PIWIL2: variants seen among roughly 807,000 people sequenced by gnomAD.
PIWIL2 encodes the protein piwi like RNA-mediated gene silencing 2, also known as piwi-like protein 2.
Under a neutral mutation model 116.5 loss-of-function variants are expected in PIWIL2, and 81 were observed. The ratio of observed to expected loss-of-function variants is 0.70; its 90% CI spans 0.58 to 0.84. The LOEUF is 0.84. Ranked by LOEUF, PIWIL2 falls within the 40% of genes least tolerant of loss-of-function variation. The pLI is 0.00. For missense variants in PIWIL2, 1,272 were observed against 1,212.3 expected (o/e 1.05, Z -0.73); for synonymous variants, 489 against 429.5 (o/e 1.14, Z -1.71).
chr8:22,342,263 A>C (rs565742015), intron 20 of PIWIL2, among the ~76,000 whole-genome samples: 1 of 152,234 alleles, frequency 6.6e-6, no homozygotes, highest in Non-Finnish European at 1.5e-5. Flanking sequence ...ATTCAATGCA[A>C]TCTTACTCAA....
chr8:22,346,274 G>T (rs560551200), intron 20 of PIWIL2, among the ~76,000 whole-genome samples: 2 of 152,058 alleles, frequency 1.3e-5, no homozygotes, highest in Admixed American at 6.5e-5. Context: ...ATGGTATTTC[G>T]AACTATATTT....
intron 15 of PIWIL2, 76 bp downstream of exon 15, chr8:22,310,150 A>G (rs1831293169): frequency 1.3e-6 from 1 of 774,116 alleles, no homozygotes; most frequent in South Asian, 1.7e-5. Context: ...GGAATGATCT[A>G]GAGTCTTCTT....
At chr8:22,324,476 G>T (rs1055413924) in intron 20 of PIWIL2, among the ~76,000 whole-genome samples, 2 of 152,102 alleles carry the variant, frequency 1.3e-5, no homozygotes, top group African/African-American at 2.4e-5. Context: ...ATAGAGCAGT[G>T]TTACACAGGT....
At chr8:22,305,819 G>A (rs1003810086) in intron 12 of PIWIL2, 108 bp from the exon 13 acceptor site, 31 of 757,232 alleles carry the variant, frequency 4.1e-5, no homozygotes, top group Non-Finnish European at 5.8e-5. Flanking sequence ...TCCTTAGTGC[G>A]CAAGGTATAT....
intron 20 of PIWIL2, among the ~76,000 whole-genome samples, chr8:22,341,806 A>G (rs537526513): frequency 9.9e-5 from 15 of 152,236 alleles, no homozygotes; most frequent in Middle Eastern, 3.4e-3. Context: ...AAGCAAAGGA[A>G]ATTAAAGCCT....
chr8:22,314,409 C>T lies in PIWIL2; in HGVS notation c.2071C>T (p.Gln691Ter). 6.3e-7 allele frequency: 1 copy of T among 1,578,344 alleles called. No homozygotes were observed. Among genetic ancestry groups the T allele is most frequent in the Admixed American group, 1.8e-5 (1 of 56,154 alleles). Residue 691 changes from glutamine to a stop codon, truncating the protein, a stop_gained, in exon 17 of 23, where the codon CAG becomes TAG. Coordinates refer to ENST00000356766, the MANE Select transcript of PIWIL2 (RefSeq NM_018068.5). LOFTEE classifies it high-confidence loss of function. ...YGAIKKLCCVQSPVPSQVVNV... is the reference protein window; with the variant it reads ...YGAIKKLCCV The stretch of plus-strand genomic sequence containing the variant: ...GGCCATCAAGAAGCTGTGCTGTGTG[C>T]AGTCCCCAGTGCCCTCCCAGGTGAG...
chr8:22,289,145 C>A (rs886073315), intron 8 of PIWIL2, among the ~76,000 whole-genome samples: 1 of 146,408 alleles, frequency 6.8e-6, no homozygotes, highest in African/African-American at 2.5e-5. Context: ...CTTTTCTTTT[C>A]TTTTTTCTTT....
chr8:22,341,970 A>G (rs1029090622), intron 20 of PIWIL2, among the ~76,000 whole-genome samples: 1 of 143,296 alleles, frequency 7.0e-6, no homozygotes, highest in African/African-American at 2.7e-5. Flanking sequence ...ACAAAAGTCT[A>G]TTGCTGTAAA....
Position 22,281,294 on chromosome 8 carries a change from CTG to C in PIWIL2, c.287-80_287-79del, listed in dbSNP as rs370076943. ...AAATGGTTTATTTTCAGAAACGTAA[CTG>C]TGCTTTTTTTAAAAAAAAAAACTAT... is the stretch of plus-strand genomic sequence containing the variant. On this transcript the variant is annotated intron_variant, in intron 3 of 22. Transcript: ENST00000356766. The C allele has an allele frequency of 9.1e-5, 141 of 1,550,564 alleles. 1 individual carries two copies. The highest frequency in any genetic ancestry group is 8.4e-4 in the East Asian group (37 of 44,250).
At chr8:22,309,874 C>T in intron 14 of PIWIL2, 87 bp from the exon 15 acceptor site, 2 of 722,850 alleles carry the variant, frequency 2.8e-6, no homozygotes, top group Non-Finnish European at 4.9e-6. Context: ...TGTGGTGGAG[C>T]TGAGCAGGCC....
intron 20 of PIWIL2, among the ~76,000 whole-genome samples, chr8:22,350,320 G>T (rs760835457): frequency 6.6e-6 from 1 of 152,192 alleles, no homozygotes; most frequent in Non-Finnish European, 1.5e-5. Context: ...TACAGGCCAG[G>T]TATGGTATCT....
At chr8:22,295,690 C>G (rs781153630) in intron 10 of PIWIL2, among the ~76,000 whole-genome samples, 1 of 152,114 alleles carries the variant, frequency 6.6e-6, no homozygotes, top group African/African-American at 2.4e-5. Context: ...CTACCACCTT[C>G]GTTCCCTGTT....
intron 16 of PIWIL2, among the ~76,000 whole-genome samples, chr8:22,313,567 G>A (rs766804279): frequency 6.6e-6 from 1 of 152,190 alleles, no homozygotes; most frequent in Non-Finnish European, 1.5e-5. Flanking sequence ...GCTTGGTGTC[G>A]TTGCTCAATG....
At position 22,355,770 on chromosome 8, in the gene PIWIL2, T is replaced by G. The variant is rs7006367; in HGVS notation, c.*265T>G. 1.8e-4 allele frequency: 81 copies of G among 440,076 alleles called. 1 individual carries two copies. Among genetic ancestry groups the G allele is most frequent in the African/African-American group, 1.5e-3 (75 of 50,622 alleles). 27.3% of individuals were successfully genotyped at this position (440,076 alleles called of 1,614,324 possible). A position where few individuals can be genotyped will look rare whatever the true frequency, so the allele number is the denominator to read the frequency against. ...ACTCTGCAGGTGGAGCGGGTGACTCTGGGGGACCATTAAGACCTCCAGACC... is the reference window on the plus strand; with the variant it reads ...ACTCTGCAGGTGGAGCGGGTGACTCGGGGGGACCATTAAGACCTCCAGACC... On this transcript the variant is annotated 3_prime_UTR_variant, in exon 23 of 23. Transcript: ENST00000356766.
Position 22,336,456 on chromosome 8 carries a change from A to G in PIWIL2, c.2404-16503A>G, listed in dbSNP as rs1218076982. 3.9e-5 allele frequency among the ~76,000 whole-genome samples: 6 copies of G among 152,226 alleles called. No homozygotes were observed. In the East Asian group the frequency reaches 7.7e-4, roughly 20 times the overall value. On this transcript the variant is annotated intron_variant, in intron 20 of 22. Transcript: ENST00000356766. Reference sequence around the variant, plus strand: ...CTGAAAACAAAAATACAACATATCAAAATTTATGGATGTAAGTAAAACAGT... The same window carrying G: ...CTGAAAACAAAAATACAACATATCAGAATTTATGGATGTAAGTAAAACAGT...
chr8:22,315,219 C>G lies in PIWIL2; in HGVS notation c.2208+74C>G, dbSNP rs930693413. 5.0e-5 allele frequency: 42 copies of G among 836,522 alleles called. No homozygotes were observed. The Admixed American group carries it at 6.8e-4, about 14-fold the overall frequency. The allele number at this position is 836,522 out of a possible 1,614,324, so 51.8% of individuals were successfully genotyped here. Reference sequence around the variant, plus strand: ...AGCTGTTTTCCTGTTTTTCCTTATTCGTTATGCTTCCTCTTCTCAACACTT... The same window carrying G: ...AGCTGTTTTCCTGTTTTTCCTTATTGGTTATGCTTCCTCTTCTCAACACTT... On this transcript the variant is annotated intron_variant, in intron 18 of 22. Coordinates refer to ENST00000356766, the MANE Select transcript of PIWIL2 (RefSeq NM_018068.5).
In PIWIL2 at chr8:22,311,167, G is replaced by A. The variant is rs186475572; in HGVS notation, c.1856G>A (p.Arg619Gln). 18 of 1,614,076 alleles carry A rather than the reference G, an allele frequency of 1.1e-5. No individual in the cohort carries two copies. Among genetic ancestry groups the A allele is most frequent in the Admixed American group, 3.3e-5 (2 of 60,002 alleles). ...CCAAAGAGAGCAATGGACCAGGCTC[G>A]AGAACTGGTCAACATGTTGGAGAAG... ...FYPKRAMDQARELVNMLEKIA... is the reference protein window; with the variant it reads ...FYPKRAMDQAQELVNMLEKIA... Residue 619 changes from arginine (R) to glutamine (Q), a missense_variant, in exon 16 of 23, where the codon CGA becomes CAA. Coordinates refer to ENST00000356766, the MANE Select transcript of PIWIL2 (RefSeq NM_018068.5).
intron 20 of PIWIL2, among the ~76,000 whole-genome samples, chr8:22,320,267 T>TTTC (rs1831566224): frequency 7.0e-6 from 1 of 143,626 alleles, no homozygotes; most frequent in East Asian, 2.1e-4. Flanking sequence ...GGCTTTTTTT[T>TTTC]TTTTTTTTTT....
intron 20 of PIWIL2, among the ~76,000 whole-genome samples, chr8:22,319,638 G>A (rs975728493): frequency 6.6e-6 from 1 of 152,218 alleles, no homozygotes; most frequent in Non-Finnish European, 1.5e-5. Flanking sequence ...TTCACAATCA[G>A]GAACTGGACA....
Sources: gnomAD v4.1 joint callset for allele counts (sites outside exome capture counted in the v4.1 genomes callset) on GRCh38, gnomAD v4.1.1 for gene constraint, MANE v1.5 for transcripts, NCBI Gene and HGNC (gene_info 2026-07-23, HGNC 2026-07-21) for gene names.